The following RBM39 variants were observed in gnomAD, a reference collection of about 807,000 sequenced individuals.
RBM39 encodes RNA binding motif protein 39.
In RBM39, 12 loss-of-function variants were observed where a neutral mutation model predicts 79.6. The ratio of observed to expected loss-of-function variants is 0.15; its 90% confidence interval spans 0.10 to 0.24. The LOEUF (loss-of-function observed/expected upper bound fraction) is 0.24. RBM39 is among the 10% of genes least tolerant of loss of function. RBM39 has a pLI of 1.00. For synonymous variants in RBM39, 185 were observed against 208.4 expected, an observed-to-expected ratio of 0.89 and a Z score of 0.97; for missense variants, 243 against 653.4, an observed-to-expected ratio of 0.37 and a Z score of 6.85.
intron 6 of RBM39, among the ~76,000 whole-genome samples, chr20:35,727,712 C>T (rs968259966): frequency 8.0e-5 from 12 of 149,686 alleles, no homozygotes; most frequent in Admixed American, 6.7e-4. Flanking sequence ...TGCAATGGCG[C>T]GATCTCGGCT....
At chr20:35,725,011 T>G in intron 7 of RBM39, 27 bp downstream of exon 7, 6 of 1,465,402 alleles carry the variant, frequency 4.1e-6, no homozygotes, top group Non-Finnish European at 5.7e-6. Flanking sequence ...TCTACCTACT[T>G]GACCTCCCTA....
At chr20:35,717,594 G>C (rs1026767138) in intron 9 of RBM39, among the ~76,000 whole-genome samples, 1 of 152,112 alleles carries the variant, frequency 6.6e-6, no homozygotes, top group Non-Finnish European at 1.5e-5. Flanking sequence ...ACAATTCTGT[G>C]AATTGTACTA....
chr20:35,702,112 G>GC lies in RBM39; in HGVS notation c.*2368dup, dbSNP rs2035311287. The GC allele has an allele frequency of 6.6e-6, 1 of 152,144 alleles. No individual in the cohort carries two copies. The highest frequency in any genetic ancestry group is 2.1e-4 in the South Asian group (1 of 4,830). 9.4% of individuals were successfully genotyped at this position (152,144 alleles called of 1,614,324 possible). ...AATGAGGCAGTTGTCCATCTCACCT[G>GC]CCCAGGCCACGCAGACCCTGGAGTT... is the stretch of plus-strand genomic sequence containing the variant. On this transcript the variant is annotated 3_prime_UTR_variant, in exon 17 of 17. Transcript: ENST00000253363.
chr20:35,730,070 C>T (rs917415982), intron 4 of RBM39, among the ~76,000 whole-genome samples: 3 of 152,070 alleles, frequency 2.0e-5, no homozygotes, highest in Non-Finnish European at 4.4e-5. Flanking sequence ...AGGTATTTCC[C>T]CATTCACCAG....
chr20:35,732,377 G>A lies in RBM39; in HGVS notation c.102-242C>T. 3 of 509,010 alleles carry A rather than the reference G, an allele frequency of 5.9e-6. No individual in the cohort carries two copies. The South Asian group carries it at 7.1e-5, about 12-fold the overall frequency. The allele number at this position is 509,010 out of a possible 1,614,324, so 31.5% of individuals were successfully genotyped here. A position where few individuals can be genotyped will look rare whatever the true frequency, so the allele number is the denominator to read the frequency against. ...TCAAGACCAGTCTGGCCAATGTAGTGAAACCCCGTCCCTAATAAAAATACA... is the reference window on the plus strand; with the variant it reads ...TCAAGACCAGTCTGGCCAATGTAGTAAAACCCCGTCCCTAATAAAAATACA... On this transcript the variant is annotated intron_variant, in intron 3 of 16. Transcript: ENST00000253363.
At chr20:35,715,489 G>C (rs936874230) in intron 10 of RBM39, among the ~76,000 whole-genome samples, 10 of 151,972 alleles carry the variant, frequency 6.6e-5, no homozygotes, top group African/African-American at 2.2e-4. Context: ...AAACACTTTT[G>C]ACAAGACAAT....
At chr20:35,707,970 C>A in intron 13 of RBM39, 2 of 443,664 alleles carry the variant, frequency 4.5e-6, no homozygotes, top group South Asian at 1.7e-5. Context: ...AAATTTCATT[C>A]CAAAACATAA....
Position 35,704,513 on chromosome 20 carries a change from C to T in RBM39, c.1561G>A (p.Ala521Thr), listed in dbSNP as rs2035487346. ...CTACTTGGAACCAGTAGCTGTGTTG[C>T]TGTCATAGAATCAGGAAACAGGTTG... The part of the protein sequence containing the change: ...YHNLFPDSMT[A>T]TQLLVPSRR Residue 521 changes from alanine (A) to threonine (T), a missense_variant, in exon 17 of 17, where the codon GCA becomes ACA. By Grantham distance (58) the Ala-to-Thr change is moderately conservative. Coordinates refer to ENST00000253363, the MANE Select transcript of RBM39 (RefSeq NM_184234.3). 6.2e-7 allele frequency: 1 copy of T among 1,612,664 alleles called. No homozygotes were observed. The highest frequency in any genetic ancestry group is 8.5e-7 in the Non-Finnish European group (1 of 1,178,962).
intron 11 of RBM39, 59 bp from the exon 12 acceptor site, chr20:35,713,155 TG>T: frequency 7.0e-7 from 1 of 1,435,050 alleles, no homozygotes; most frequent in South Asian, 1.2e-5. Flanking sequence ...CGAAGTTTCC[TG>T]GGTCATTAAT....
intron 2 of RBM39, chr20:35,739,598 C>A (rs895566525): frequency 1.5e-5 from 7 of 460,906 alleles, no homozygotes; most frequent in South Asian, 7.8e-5. Context: ...CTCCCAAGAA[C>A]CCAAGAAAGT....
At chr20:35,707,364 G>A in intron 13 of RBM39, 163 bp from the exon 14 acceptor site, 1 of 415,678 alleles carries the variant, frequency 2.4e-6, no homozygotes, top group Non-Finnish European at 4.3e-6. Context: ...GTTATCAGTA[G>A]CTTTTAGGTG....
chr20:35,739,051 C>T, intron 2 of RBM39, 34 bp from the exon 3 acceptor site: 1 of 1,556,990 alleles, frequency 6.4e-7, no homozygotes, highest in Non-Finnish European at 8.9e-7. Flanking sequence ...ATCATGAGGA[C>T]GAAGTGGTAA....
At chr20:35,730,479 G>A (rs569907954) in intron 4 of RBM39, among the ~76,000 whole-genome samples, 88 of 152,224 alleles carry the variant, frequency 5.8e-4, no homozygotes, top group Non-Finnish European at 8.2e-4. Context: ...TTGACCCTTT[G>A]CAATTCAGAC....
chr20:35,729,200 A>C, intron 6 of RBM39, 112 bp downstream of exon 6: 2 of 936,266 alleles, frequency 2.1e-6, no homozygotes, highest in Non-Finnish European at 3.1e-6. Flanking sequence ...AGTGCAAAAG[A>C]AAGCAAAAGC....
intron 13 of RBM39, among the ~76,000 whole-genome samples, chr20:35,708,435 C>T (rs562857115): frequency 6.6e-5 from 10 of 152,162 alleles, no homozygotes; most frequent in Non-Finnish European, 1.5e-4. Flanking sequence ...CAAACATTCA[C>T]GTTCAAGCTA....
intron 8 of RBM39, among the ~76,000 whole-genome samples, chr20:35,723,883 A>T (rs895967501): frequency 3.9e-5 from 6 of 152,214 alleles, no homozygotes; most frequent in African/African-American, 4.8e-5. Context: ...TCTTAAAAAA[A>T]TTTAAAAATT....
intron 10 of RBM39, among the ~76,000 whole-genome samples, chr20:35,715,504 G>T (rs1194919226): frequency 1.3e-5 from 2 of 151,994 alleles, no homozygotes; most frequent in Non-Finnish European, 2.9e-5. Flanking sequence ...GACAATTCTG[G>T]TCTTGGTTGT....
intron 10 of RBM39, among the ~76,000 whole-genome samples, chr20:35,715,037 GTAAGT>G (rs1163739161): frequency 6.6e-6 from 1 of 152,152 alleles, no homozygotes; most frequent in African/African-American, 2.4e-5. Context: ...CTAATGACCA[GTAAGT>G]TAAACAGATT....
In RBM39 at chr20:35,704,536, T is replaced by C. The variant is rs1237450369; in HGVS notation, c.1538A>G (p.Asn513Ser). The change falls in exon 17 of 17, where the codon AAC becomes AGC. Residue 513 changes from asparagine (N) to serine (S), a missense_variant. By Grantham distance (46) the Asn-to-Ser change is conservative (BLOSUM62 1). Transcript: ENST00000253363. ...AAYVPLPTYHNLFPDSMTATQ... is the reference protein window; with the variant it reads ...AAYVPLPTYHSLFPDSMTATQ... ...TGCTGTCATAGAATCAGGAAACAGG[T>C]TGTGGTAAGTTGGAAGAGGTACATA... The C allele has an allele frequency of 1.2e-6, 2 of 1,613,738 alleles. No homozygotes were observed. The highest frequency in any genetic ancestry group is 1.1e-5 in the South Asian group (1 of 91,068).
Sources: gnomAD v4.1 joint callset for allele counts (sites outside exome capture counted in the v4.1 genomes callset) on GRCh38, gnomAD v4.1.1 for gene constraint, MANE v1.5 for transcripts, NCBI Gene and HGNC (gene_info 2026-07-23, HGNC 2026-07-21) for gene names.